MYH1: variants seen among roughly 807,000 people sequenced by gnomAD.
The protein encoded by MYH1 is myosin heavy chain 1, also known as myosin-1.
Under a neutral mutation model 225.6 loss-of-function variants are expected in MYH1, and 214 were observed. The observed-to-expected ratio is 0.95, with a 90% CI of 0.85 to 1.06. MYH1 has a LOEUF of 1.06. MYH1 is among the 50% of genes least tolerant of loss of function. The pLI is 0.00. For missense variants in MYH1, 2,098 were observed against 2,344.2 expected, an observed-to-expected ratio of 0.89 and a Z score of 2.17; for synonymous variants, 774 against 842.3, an observed-to-expected ratio of 0.92 and a Z score of 1.40.
Position 10,505,212 on chromosome 17 carries a change from A to G in MYH1, c.2386T>C (p.Cys796Arg), listed in dbSNP as rs2073098059. Residue 796 changes from cysteine to arginine, a missense_variant, in exon 21 of 40, where the codon TGC (cysteine) becomes CGC (arginine). Physicochemically the swap from Cys to Arg is radical, Grantham distance 180. Transcript: ENST00000226207. ...AQLITRTQAM[C>R]RGFLARVEYQ... ...TCCACTCTTGCCAAGAACCCTCTGC[A>G]CATGGCCTGGGTTCGGGTAATCAGC... 3.1e-6 allele frequency: 5 copies of G among 1,614,238 alleles called. No individual in the cohort carries two copies. Among genetic ancestry groups the G allele is most frequent in the South Asian group, 1.1e-5 (1 of 91,082 alleles).
At chr17:10,505,761 T>A (rs1337342768) in intron 19 of MYH1, 51 bp downstream of exon 19, 1 of 1,607,166 alleles carries the variant, frequency 6.2e-7, no homozygotes. Flanking sequence ...TGAAAAATGT[T>A]TAAAAAGTAA....
chr17:10,508,321 GT>G, intron 16 of MYH1, 41 bp downstream of exon 16: 1 of 1,547,586 alleles, frequency 6.5e-7, no homozygotes, highest in Non-Finnish European at 8.7e-7. Context: ...CTCTAGTTAT[GT>G]TTTATACATT....
Position 10,515,986 on chromosome 17 carries a change from G to A in MYH1, c.445C>T (p.Gln149Ter). Residue 149 changes from glutamine to a stop codon, truncating the protein, a stop_gained, in exon 5 of 40, where the codon CAG becomes TAG. Transcript: ENST00000226207. LOFTEE classifies it high-confidence loss of function. ...VVTAYRGKKR[Q>*]EAPPHIFSIS... Reference sequence around the variant, plus strand: ...GAGAAGATGTGGGGTGGGGCCTCCTGGCGCTTTTTGCCTCGGTAGGCTGTC... The same window carrying A: ...GAGAAGATGTGGGGTGGGGCCTCCTAGCGCTTTTTGCCTCGGTAGGCTGTC... 6.2e-7 allele frequency: 1 copy of A among 1,614,180 alleles called. No individual in the cohort carries two copies. The highest frequency in any genetic ancestry group is 8.5e-7 in the Non-Finnish European group (1 of 1,180,036).
In MYH1 at chr17:10,497,276, A is replaced by C. The variant is rs763991756; in HGVS notation, c.4531+11T>G. On this transcript the variant is annotated intron_variant, in intron 32 of 39. Coordinates refer to ENST00000226207, the MANE Select transcript of MYH1 (RefSeq NM_005963.4). ...TCTTTTATTGTTAAAGAAAAGGTAA[A>C]ATGTTCTCACGTTGCAAATTCTTAT... 1 of 1,595,334 alleles carries C rather than the reference A, an allele frequency of 6.3e-7. No individual in the cohort carries two copies. Among genetic ancestry groups the C allele is most frequent in the South Asian group, 1.2e-5 (1 of 86,296 alleles).
chr17:10,508,840 G>A (rs546887887), intron 15 of MYH1, among the ~76,000 whole-genome samples, 168 bp from the exon 16 acceptor site: 80 of 152,256 alleles, frequency 5.3e-4, no homozygotes, highest in Non-Finnish European at 8.4e-4. Flanking sequence ...ATATTTATTG[G>A]GTGCTGATCA....
chr17:10,506,704 G>A (rs2142269651), intron 17 of MYH1, among the ~76,000 whole-genome samples: 1 of 152,256 alleles, frequency 6.6e-6, no homozygotes, highest in East Asian at 1.9e-4. Context: ...TGTTGGCCAG[G>A]CTGGTCTCGA....
rs758577687 is a variant in MYH1 at position 10,508,335 on chromosome 17, G to T, written c.1897+28C>A. 17 of 1,562,464 alleles carry T rather than the reference G, an allele frequency of 1.1e-5. No homozygotes were observed. In the South Asian group the frequency reaches 2.1e-4, roughly 19 times the overall value. ...CCTCTAGTTATGTTTTATACATTAG[G>T]TAAAAGATTAATTATATTGATAATT... On this transcript the variant is annotated intron_variant, in intron 16 of 39. Transcript: ENST00000226207.
At chr17:10,501,945 G>C (rs2073062605) in intron 24 of MYH1, 34 bp from the exon 25 acceptor site, 2 of 1,576,744 alleles carry the variant, frequency 1.3e-6, no homozygotes, top group African/African-American at 1.4e-5. Context: ...ATGGTTCTTA[G>C]AATGGTAGCA....
In MYH1 at chr17:10,492,570, T is replaced by C. The variant is rs1358829128; in HGVS notation, c.5668-2A>G. The C allele has an allele frequency of 6.2e-7, 1 of 1,607,424 alleles. No individual in the cohort carries two copies. The highest frequency in any genetic ancestry group is 2.2e-5 in the East Asian group (1 of 44,674). On this transcript the variant is annotated splice_acceptor_variant, in intron 39 of 39. Transcript: ENST00000226207. LOFTEE classifies it high-confidence loss of function. ...GAGGTTGACGTTGGATTGTTCCTCC[T>C]GTGAATGGAAATCCATTTATGAGGG...
chr17:10,516,816 G>T, intron 2 of MYH1, 134 bp from the exon 3 acceptor site: 1 of 722,092 alleles, frequency 1.4e-6, no homozygotes, highest in South Asian at 1.9e-5. Flanking sequence ...TCCCTGGCTT[G>T]GTTGAGGATA....
At chr17:10,512,374 T>C (rs1233439914) in intron 12 of MYH1, 34 bp downstream of exon 12, 6 of 1,613,960 alleles carry the variant, frequency 3.7e-6, no homozygotes, top group Non-Finnish European at 5.1e-6. Flanking sequence ...GCCTATATTC[T>C]CTCATTAAAC....
At position 10,506,047 on chromosome 17, in the gene MYH1, A is replaced by G; in HGVS notation, c.2021T>C (p.Val674Ala). Residue 674 changes from valine to alanine, a missense_variant, in exon 18 of 40, where the codon GTG becomes GCG. Transcript: ENST00000226207. ...TNLRSTHPHF[V>A]RCIIPNETKT... is the part of the protein sequence containing the mutation. The stretch of plus-strand genomic sequence containing the variant: ...AGTTTCATTGGGGATGATGCACCGC[A>G]CAAAGTGGGGGTGAGTGCTCCTCAA... 1 of 1,614,236 alleles carries G rather than the reference A, an allele frequency of 6.2e-7. No homozygotes were observed.
At chr17:10,501,014 T>C (rs991759990) in intron 27 of MYH1, 96 bp downstream of exon 27, 2 of 1,552,360 alleles carry the variant, frequency 1.3e-6, no homozygotes, top group Non-Finnish European at 1.7e-6. Context: ...AAAGGGTGCC[T>C]GATTTAGTTC....
chr17:10,506,268 CCT>C (rs993866241), intron 17 of MYH1, among the ~76,000 whole-genome samples, 169 bp from the exon 18 acceptor site: 7 of 152,204 alleles, frequency 4.6e-5, no homozygotes, highest in African/African-American at 1.4e-4. Flanking sequence ...AATATGTCCC[CCT>C]GTTTTCTGTT....
chr17:10,503,716 T>C (rs1192227238), intron 22 of MYH1, among the ~76,000 whole-genome samples: 1 of 152,220 alleles, frequency 6.6e-6, no homozygotes, highest in Non-Finnish European at 1.5e-5. Flanking sequence ...AGCAAGCATA[T>C]TTCTCATAAG....
intron 35 of MYH1, 149 bp downstream of exon 35, chr17:10,495,801 A>G: frequency 1.4e-6 from 1 of 704,910 alleles, no homozygotes; most frequent in Non-Finnish European, 2.2e-6. Context: ...TATAGTTCAG[A>G]TAAGAATATA....
In MYH1 at chr17:10,499,072, C is replaced by A. The variant is rs370430052; in HGVS notation, c.3886G>T (p.Asp1296Tyr). Residue 1296 changes from aspartate (D) to tyrosine (Y), a missense_variant, in exon 29 of 40, where the codon GAT becomes TAT. Physicochemically the swap from Asp to Tyr is radical, Grantham distance 160. Coordinates refer to ENST00000226207, the MANE Select transcript of MYH1 (RefSeq NM_005963.4). ...TGTGAAACTAGTGTGTCCTTTTCAT[C>A]TAGCTGGCGTGAATATTCACCTGTA... ...TESGEYSRQL[D>Y]EKDTLVSQLS... 7.1e-5 allele frequency: 114 copies of A among 1,613,672 alleles called. No individual in the cohort carries two copies. Among genetic ancestry groups the A allele is most frequent in the Non-Finnish European group, 9.3e-5 (110 of 1,179,748 alleles).
chr17:10,501,121 A>T lies in MYH1; in HGVS notation c.3727T>A (p.Ser1243Thr). Residue 1243 changes from serine to threonine, a missense_variant, in exon 27 of 40, where the codon TCC (serine) becomes ACC (threonine). Physicochemically the swap from Ser to Thr is moderately conservative, Grantham distance 58 (BLOSUM62 1). Transcript: ENST00000226207. Reference sequence around the variant, plus strand: ...AGTGTTGATTGTACCTTGGCTTTGGAGACAGTCTCCATGTTACTAGCAAGG... The same window carrying T: ...AGTGTTGATTGTACCTTGGCTTTGGTGACAGTCTCCATGTTACTAGCAAGG... ...DDLASNMETV[S>T]KAKGNLEKMC... 6.2e-7 allele frequency: 1 copy of T among 1,613,830 alleles called. No homozygotes were observed. Among genetic ancestry groups the T allele is most frequent in the African/African-American group, 1.3e-5 (1 of 75,032 alleles).
chr17:10,511,118 T>G (rs914009390), intron 14 of MYH1, among the ~76,000 whole-genome samples: 4 of 151,758 alleles, frequency 2.6e-5, no homozygotes, highest in African/African-American at 9.7e-5. Context: ...TAAAATTTCA[T>G]CCAGTTTCAA....
Sources: gnomAD v4.1 joint callset for allele counts (sites outside exome capture counted in the v4.1 genomes callset) on GRCh38, gnomAD v4.1.1 for gene constraint, MANE v1.5 for transcripts, NCBI Gene and HGNC (gene_info 2026-07-23, HGNC 2026-07-21) for gene names.